Variants in COL21A1 observed in about 807,000 individuals in gnomAD.
The protein encoded by COL21A1 is collagen type XXI alpha 1 chain.
COL21A1 carries 149 observed loss-of-function variants against 137.9 expected under a neutral mutation model. The ratio of observed to expected loss-of-function variants is 1.08; its 90% CI spans 0.95 to 1.24. The LOEUF is 1.24. Among genes scored for constraint, COL21A1 ranks in the 50% most tolerant of loss-of-function variants. The probability of loss-of-function intolerance (pLI) is 0.00; values close to 1 mark genes in which losing one functional copy is unlikely to be tolerated. For missense variants in COL21A1, 1,167 were observed against 1,158.4 expected (o/e 1.01, Z -0.11); for synonymous variants, 456 against 391.5 (o/e 1.16, Z -1.95).
rs1561921107 is a variant in COL21A1, at chr6:56,151,235, AAAAC to A, written c.1434+5648_1434+5651del. Among the ~76,000 whole-genome samples the A allele has an allele frequency of 3.9e-5, 6 of 152,200 alleles. No individual in the cohort carries two copies. In the South Asian group the frequency reaches 8.3e-4, roughly 21 times the overall value. On this transcript the variant is annotated intron_variant, in intron 10 of 29. Coordinates refer to ENST00000244728, the MANE Select transcript of COL21A1 (RefSeq NM_030820.4). Reference sequence around the variant, plus strand: ...AGCAAGACTCTGTCTCAAACAAAACAAAACAAACAAACAAAAAAAGAGTAACTAA... The same window carrying A: ...AGCAAGACTCTGTCTCAAACAAAACAAAACAAACAAAAAAAGAGTAACTAA...
rs562308361 is a variant in COL21A1, at chr6:56,102,668, C to A, written c.1759-1143G>T. 3.1e-4 allele frequency among the ~76,000 whole-genome samples: 47 copies of A among 152,200 alleles called. No homozygotes were observed. The South Asian group carries it at 9.8e-3, about 32-fold the overall frequency. On this transcript the variant is annotated intron_variant, in intron 16 of 29. Coordinates refer to ENST00000244728, the MANE Select transcript of COL21A1 (RefSeq NM_030820.4). The stretch of plus-strand genomic sequence containing the variant: ...TTATAGAAAATAAAGCACAGAAGCA[C>A]CTCTAAAATTTGGCAAACATAATCA...
In COL21A1 at chr6:56,070,132, G is replaced by C. The variant is rs9296826; in HGVS notation, c.2019+613C>G. 3.3e-3 allele frequency among the ~76,000 whole-genome samples: 504 copies of C among 151,628 alleles called. 5 individuals are homozygous for C. The highest frequency in any genetic ancestry group is 0.012 in the African/African-American group (486 of 41,462). On this transcript the variant is annotated intron_variant, in intron 21 of 29. Coordinates refer to ENST00000244728, the MANE Select transcript of COL21A1 (RefSeq NM_030820.4). ...AGAGATGCAACATAATCCTGAACAT[G>C]CTTCATGGTTCTGTTTCGTTTTGTG...
chr6:56,343,951 C>A (rs1003327408), intron 1 of COL21A1, among the ~76,000 whole-genome samples: 12 of 151,982 alleles, frequency 7.9e-5, no homozygotes, highest in Admixed American at 3.3e-4. Context: ...GTCTCACACA[C>A]ACAAAAATGT....
At chr6:56,102,541 G>C (rs914298584) in intron 16 of COL21A1, among the ~76,000 whole-genome samples, 6 of 152,132 alleles carry the variant, frequency 3.9e-5, no homozygotes, top group Non-Finnish European at 7.4e-5. Context: ...AAATACCTGA[G>C]TTGAAATAAG....
At chr6:56,160,719 G>A (rs1398854497) in intron 9 of COL21A1, among the ~76,000 whole-genome samples, 2 of 152,044 alleles carry the variant, frequency 1.3e-5, no homozygotes, top group African/African-American at 4.8e-5. Context: ...TGACAGGAGT[G>A]GAAATGTCAT....
intron 1 of COL21A1, among the ~76,000 whole-genome samples, chr6:56,366,330 C>A (rs146256315): frequency 0.011 from 1,615 of 152,304 alleles, 18 homozygotes; most frequent in Non-Finnish European, 0.017. Context: ...TCAGAGATCA[C>A]TGGTCTTATA....
chr6:56,378,926 G>T (rs1417890461), intron 1 of COL21A1, among the ~76,000 whole-genome samples: 1 of 152,180 alleles, frequency 6.6e-6, no homozygotes, highest in African/African-American at 2.4e-5. Flanking sequence ...AATAAAACAA[G>T]AGTCTCTGGG....
At chr6:56,143,972 C>T (rs1202476657) in intron 10 of COL21A1, among the ~76,000 whole-genome samples, 1 of 152,154 alleles carries the variant, frequency 6.6e-6, no homozygotes, top group African/African-American at 2.4e-5. Context: ...GTTTAGTAAT[C>T]TCATGTTTCC....
chr6:56,089,509 C>G (rs761470613), intron 17 of COL21A1, among the ~76,000 whole-genome samples: 2 of 151,882 alleles, frequency 1.3e-5, no homozygotes, highest in Non-Finnish European at 2.9e-5. Flanking sequence ...ACTGTCAAAA[C>G]GTTCCAAAAA....
intron 1 of COL21A1, among the ~76,000 whole-genome samples, chr6:56,277,479 A>T (rs1242430725): frequency 1.3e-5 from 2 of 152,232 alleles, no homozygotes; most frequent in Non-Finnish European, 2.9e-5. Context: ...CAGCTAGCAT[A>T]CATCACTCTA....
intron 12 of COL21A1, among the ~76,000 whole-genome samples, chr6:56,140,099 A>T (rs1170444332): frequency 6.6e-6 from 1 of 152,192 alleles, no homozygotes; most frequent in African/African-American, 2.4e-5. Context: ...ATACATATCA[A>T]TTAACCAGCA....
intron 1 of COL21A1, among the ~76,000 whole-genome samples, chr6:56,183,498 C>A (rs186004337): frequency 2.6e-5 from 4 of 152,298 alleles, no homozygotes; most frequent in Admixed American, 1.3e-4. Context: ...ACGCAACAAG[C>A]ATTCCTTCAT....
intron 16 of COL21A1, among the ~76,000 whole-genome samples, chr6:56,110,968 G>A (rs182376703): frequency 8.7e-4 from 133 of 152,188 alleles, no homozygotes; most frequent in African/African-American, 2.4e-3. Flanking sequence ...CCCACCTTGA[G>A]TAGGGCTTGA....
chr6:56,122,383 G>A (rs958746793), intron 16 of COL21A1, among the ~76,000 whole-genome samples: 8 of 151,886 alleles, frequency 5.3e-5, no homozygotes, highest in African/African-American at 1.7e-4. Context: ...CGCCATCTCG[G>A]CTCACTGCAA....
chr6:56,359,946 G>C (rs1427723853), intron 1 of COL21A1, among the ~76,000 whole-genome samples: 1 of 152,144 alleles, frequency 6.6e-6, no homozygotes, highest in African/African-American at 2.4e-5. Flanking sequence ...TAATAAACTA[G>C]CAAGATATGA....
chr6:56,091,517 C>T (rs186860713), intron 17 of COL21A1: 5 of 152,688 alleles, frequency 3.3e-5, no homozygotes, highest in Admixed American at 2.6e-4. Flanking sequence ...CCAGGAAACA[C>T]GGCATTCTTT....
intron 1 of COL21A1, among the ~76,000 whole-genome samples, chr6:56,200,891 A>G (rs1437680689): frequency 6.6e-6 from 1 of 152,108 alleles, no homozygotes; most frequent in African/African-American, 2.4e-5. Context: ...TGACTTCCAC[A>G]ATGGTTGAAC....
rs1386497180 is a variant in COL21A1, at chr6:56,201,225, C to T, written c.-38-18569G>A. Reference sequence around the variant, plus strand: ...ATTAGCCCTTTGTCAGATGAGTAGGCTGCAAAAATTTTCTCCCATTCTGTA... The same window carrying T: ...ATTAGCCCTTTGTCAGATGAGTAGGTTGCAAAAATTTTCTCCCATTCTGTA... On this transcript the variant is annotated intron_variant, in intron 1 of 29. Transcript: ENST00000244728. 6.6e-5 allele frequency among the ~76,000 whole-genome samples: 10 copies of T among 151,826 alleles called. No homozygotes were observed. In the South Asian group the frequency reaches 8.3e-4, roughly 13 times the overall value.
intron 1 of COL21A1, among the ~76,000 whole-genome samples, chr6:56,303,860 C>A (rs1764365865): frequency 6.6e-6 from 1 of 152,160 alleles, no homozygotes; most frequent in African/African-American, 2.4e-5. Flanking sequence ...ATGATATGGG[C>A]TGTGGGTCTG....
Sources: gnomAD v4.1 joint callset for allele counts (sites outside exome capture counted in the v4.1 genomes callset) on GRCh38, gnomAD v4.1.1 for gene constraint, MANE v1.5 for transcripts, NCBI Gene and HGNC (gene_info 2026-07-23, HGNC 2026-07-21) for gene names.